Variants in NAV2 observed in about 807,000 individuals in gnomAD.
The protein encoded by NAV2 is neuron navigator 2.
Under a neutral mutation model 223.2 loss-of-function variants are expected in NAV2, and 54 were observed. The ratio of observed to expected loss-of-function variants is 0.24; its 90% CI spans 0.19 to 0.30. The LOEUF (loss-of-function observed/expected upper bound fraction) is 0.30, where lower values mean the gene tolerates loss of function less well. Among genes scored for constraint, NAV2 ranks in the 10% least tolerant of loss-of-function variants. NAV2 has a pLI of 1.00. For synonymous variants in NAV2, 1,279 were observed against 1,239.3 expected (o/e 1.03, Z -0.67); for missense variants, 2,806 against 3,147.5 (o/e 0.89, Z 2.60).
At chr11:19,980,058 A>G (rs80142004) in intron 10 of NAV2, among the ~76,000 whole-genome samples, 642 of 152,340 alleles carry the variant, frequency 4.2e-3, no homozygotes, top group African/African-American at 0.015. Flanking sequence ...TAGGTCCTTC[A>G]GCCAGCAAGG....
intron 1 of NAV2, among the ~76,000 whole-genome samples, chr11:19,776,678 T>TGTGTGTGTGTGTGTGGG (rs2056238347): frequency 2.5e-5 from 1 of 39,526 alleles, no homozygotes; most frequent in African/African-American, 6.6e-5. Context: ...GTGTGTGTGG[T>TGTGTGTGTGTGTGTGGG]TAGAGTTGTG....
intron 17 of NAV2, among the ~76,000 whole-genome samples, chr11:20,052,870 G>A (rs1336861861): frequency 6.6e-6 from 1 of 152,048 alleles, no homozygotes; most frequent in African/African-American, 2.4e-5. Context: ...ATAATCAGTA[G>A]TCACTCCATA....
intron 1 of NAV2, among the ~76,000 whole-genome samples, chr11:19,451,797 C>A (rs1851797691): frequency 6.6e-6 from 1 of 152,036 alleles, no homozygotes; most frequent in African/African-American, 2.4e-5. Context: ...GTGCAAAGGC[C>A]CTGAGGCAGA....
intron 1 of NAV2, among the ~76,000 whole-genome samples, chr11:19,732,832 A>G (rs546071901): frequency 3.9e-4 from 59 of 152,338 alleles, no homozygotes; most frequent in African/African-American, 1.4e-3. Context: ...GAGAAAGAGC[A>G]TCCTTTAGGA....
chr11:19,887,821 T>C (rs1271860000), intron 5 of NAV2, among the ~76,000 whole-genome samples: 1 of 152,104 alleles, frequency 6.6e-6, no homozygotes, highest in Non-Finnish European at 1.5e-5. Context: ...TCATCTCGCC[T>C]GGCAAAAAGC....
chr11:19,421,764 CTTTTT>C (rs373669949), intron 1 of NAV2, among the ~76,000 whole-genome samples: 17 of 84,540 alleles, frequency 2.0e-4, no homozygotes, highest in African/African-American at 7.7e-4. Flanking sequence ...AAGAGAGAGG[CTTTTT>C]TTTTTTTTTT....
At chr11:20,007,933 A>G (rs549971862) in intron 11 of NAV2, among the ~76,000 whole-genome samples, 17 of 152,388 alleles carry the variant, frequency 1.1e-4, no homozygotes, top group African/African-American at 3.6e-4. Context: ...CACAAAAACA[A>G]AAAATATTTT....
intron 5 of NAV2, chr11:19,884,236 T>C: frequency 7.8e-7 from 1 of 1,275,562 alleles, no homozygotes; most frequent in South Asian, 1.2e-5. Flanking sequence ...TTTGTGTGTC[T>C]AATGTATCTT....
chr11:19,402,830 T>C (rs772583809), intron 1 of NAV2, among the ~76,000 whole-genome samples: 18 of 152,218 alleles, frequency 1.2e-4, no homozygotes, highest in Non-Finnish European at 2.6e-4. Flanking sequence ...CAACAAATAT[T>C]TGTGAACTGA....
chr11:20,054,049 G>A (rs775203275), intron 17 of NAV2, 31 bp from the exon 18 acceptor site: 1 of 1,608,546 alleles, frequency 6.2e-7, no homozygotes, highest in East Asian at 2.2e-5. Context: ...ATTGTTCATA[G>A]TTAATTCCGG....
chr11:19,458,337 T>A (rs1852032668), intron 1 of NAV2, among the ~76,000 whole-genome samples: 1 of 152,174 alleles, frequency 6.6e-6, no homozygotes, highest in Non-Finnish European at 1.5e-5. Context: ...TGGTCAAATG[T>A]AGAGGAAGCA....
chr11:19,357,874 G>A (rs1164696069), intron 1 of NAV2, among the ~76,000 whole-genome samples: 1 of 152,158 alleles, frequency 6.6e-6, no homozygotes, highest in Non-Finnish European at 1.5e-5. Context: ...CTTTGTAAGT[G>A]TGTCTAAGAC....
In NAV2 at chr11:20,092,285, C is replaced by T; in HGVS notation, c.5732C>T (p.Ser1911Phe). The T allele has an allele frequency of 6.2e-7, 1 of 1,614,224 alleles. No homozygotes were observed. Residue 1911 changes from serine (S) to phenylalanine (F), a missense_variant, in exon 28 of 38, where the codon TCC becomes TTC. Coordinates refer to ENST00000349880, the MANE Select transcript of NAV2 (RefSeq NM_145117.5). ...SQGSGCSRAP[S>F]QVSISASPRQ... ...GGCAGTGGCTGCAGCCGGGCTCCTT[C>T]CCAAGTGTCCATCTCTGCCTCCCCG...
chr11:19,711,785 T>A (rs939261793), upstream of NAV2: 7 of 152,206 alleles, frequency 4.6e-5, no homozygotes, highest in African/African-American at 1.7e-4. Flanking sequence ...GCCAGGTACT[T>A]GTGCTAAATG....
intron 1 of NAV2, among the ~76,000 whole-genome samples, chr11:19,570,389 G>T (rs555808933): frequency 6.6e-6 from 1 of 152,294 alleles, no homozygotes; most frequent in Admixed American, 6.5e-5. Context: ...TCATGACCTT[G>T]GATTTGGCAA....
intron 1 of NAV2, chr11:19,384,803 T>A (rs1848972582): frequency 6.6e-6 from 1 of 152,170 alleles, no homozygotes; most frequent in African/African-American, 2.4e-5. Context: ...CTCTGGCTGA[T>A]ACACTCGCCA....
chr11:20,003,153 G>C (rs2052725555), intron 11 of NAV2, among the ~76,000 whole-genome samples: 1 of 152,150 alleles, frequency 6.6e-6, no homozygotes, highest in African/African-American at 2.4e-5. Flanking sequence ...GGGAAAGGTG[G>C]GATTCTGAGG....
At chr11:19,872,974 C>G (rs1290826852) in intron 4 of NAV2, among the ~76,000 whole-genome samples, 2 of 152,208 alleles carry the variant, frequency 1.3e-5, no homozygotes, top group Non-Finnish European at 2.9e-5. Flanking sequence ...CCCCACCAAC[C>G]CTTCCCCAGA....
At chr11:19,635,199 G>T (rs1204574063) in intron 1 of NAV2, among the ~76,000 whole-genome samples, 1 of 152,178 alleles carries the variant, frequency 6.6e-6, no homozygotes, top group Non-Finnish European at 1.5e-5. Flanking sequence ...TGGTTGTACT[G>T]GTAGGCAAGA....
Sources: gnomAD v4.1 joint callset for allele counts (sites outside exome capture counted in the v4.1 genomes callset) on GRCh38, gnomAD v4.1.1 for gene constraint, MANE v1.5 for transcripts, NCBI Gene and HGNC (gene_info 2026-07-23, HGNC 2026-07-21) for gene names.